Variants in BORCS5 observed in about 807,000 individuals in gnomAD.
The protein encoded by BORCS5 is BLOC-1 related complex subunit 5.
A neutral mutation model predicts 22.1 loss-of-function variants in BORCS5; 17 were observed. The observed-to-expected ratio is 0.77, with a 90% CI of 0.53 to 1.15. The LOEUF is 1.15. Among genes scored for constraint, BORCS5 ranks in the 50% most tolerant of loss-of-function variants. BORCS5 has a pLI of 0.00. For synonymous variants in BORCS5, 117 were observed against 99.8 expected, an observed-to-expected ratio of 1.17 and a Z score of -1.03; for missense variants, 247 against 253.2, an observed-to-expected ratio of 0.98 and a Z score of 0.17.
chr12:12,414,789 C>T (rs1237596684), intron 2 of BORCS5, among the ~76,000 whole-genome samples: 1 of 139,330 alleles, frequency 7.2e-6, no homozygotes, highest in Non-Finnish European at 1.6e-5. Flanking sequence ...CCTCACTTCT[C>T]AGACGGGGCG....
At chr12:12,432,016 C>G (rs192971112) in intron 2 of BORCS5, among the ~76,000 whole-genome samples, 99 of 152,246 alleles carry the variant, frequency 6.5e-4, no homozygotes, top group Middle Eastern at 3.4e-3. Context: ...TCTAGGCACT[C>G]TTTATATATT....
intron 2 of BORCS5, among the ~76,000 whole-genome samples, chr12:12,379,084 ATTTC>A (rs755279841): frequency 2.4e-4 from 35 of 144,044 alleles, no homozygotes; most frequent in Non-Finnish European, 4.9e-4. Flanking sequence ...CAACTTTTCT[ATTTC>A]TTTCTTTCTT....
intron 2 of BORCS5, among the ~76,000 whole-genome samples, chr12:12,389,384 C>T (rs112178806): frequency 0.019 from 2,890 of 150,844 alleles, 125 homozygotes; most frequent in South Asian, 0.034. Context: ...GTGATCCACC[C>T]GCCTTGGCCT....
At chr12:12,369,204 T>C (rs901602549) in intron 2 of BORCS5, among the ~76,000 whole-genome samples, 1 of 152,230 alleles carries the variant, frequency 6.6e-6, no homozygotes, top group Non-Finnish European at 1.5e-5. Context: ...TACCCCTGTC[T>C]TGTAGTCTAA....
chr12:12,400,180 A>C (rs1197439574), intron 2 of BORCS5, among the ~76,000 whole-genome samples: 4 of 152,170 alleles, frequency 2.6e-5, no homozygotes, highest in African/African-American at 7.2e-5. Context: ...CATGTGTACC[A>C]CTGGATTTTT....
chr12:12,400,584 A>T (rs1335125987), intron 2 of BORCS5, among the ~76,000 whole-genome samples: 3 of 110,856 alleles, frequency 2.7e-5, no homozygotes, highest in East Asian at 3.9e-4. Flanking sequence ...GTATGTCAGC[A>T]TACAGAAAAA....
intron 2 of BORCS5, among the ~76,000 whole-genome samples, chr12:12,418,936 T>G (rs533901893): frequency 2.1e-4 from 32 of 152,338 alleles, no homozygotes; most frequent in Admixed American, 1.5e-3. Flanking sequence ...TATAGCTTTT[T>G]TTTGTTTGTC....
chr12:12,385,597 A>C (rs113115954), intron 2 of BORCS5, among the ~76,000 whole-genome samples: 26,268 of 149,982 alleles, frequency 0.18, 6,850 homozygotes, highest in African/African-American at 0.56. Context: ...GCAACCTCCA[A>C]CTCCCAGGTT....
chr12:12,391,772 C>G (rs1015223089), intron 2 of BORCS5, among the ~76,000 whole-genome samples: 2 of 148,298 alleles, frequency 1.3e-5, no homozygotes, highest in Non-Finnish European at 3.0e-5. Context: ...TGGCTCATGC[C>G]TGTAATCTCA....
At chr12:12,420,526 G>A (rs12855046) in intron 2 of BORCS5, among the ~76,000 whole-genome samples, 9,090 of 152,100 alleles carry the variant, frequency 0.06, 384 homozygotes, top group Non-Finnish European at 0.093. Context: ...TTGGCAATGC[G>A]GGCTCTTTTT....
chr12:12,373,466 A>G (rs1322148842), intron 2 of BORCS5, among the ~76,000 whole-genome samples: 1 of 152,214 alleles, frequency 6.6e-6, no homozygotes, highest in African/African-American at 2.4e-5. Flanking sequence ...CCTGTTATAC[A>G]GTATCGGAAA....
intron 2 of BORCS5, among the ~76,000 whole-genome samples, chr12:12,423,116 C>T (rs1220258678): frequency 2.0e-5 from 3 of 151,994 alleles, no homozygotes; most frequent in African/African-American, 4.8e-5. Flanking sequence ...ATTCTCCTGC[C>T]TCAGCCTCCC....
At chr12:12,440,557 T>A in intron 3 of BORCS5, among the ~76,000 whole-genome samples, 1 of 149,736 alleles carries the variant, frequency 6.7e-6, no homozygotes, top group African/African-American at 2.5e-5. Flanking sequence ...TCTGTAAGAG[T>A]TAAAGATTGG....
intron 2 of BORCS5, among the ~76,000 whole-genome samples, chr12:12,422,466 T>G (rs1942157288): frequency 6.6e-6 from 1 of 152,058 alleles, no homozygotes; most frequent in Non-Finnish European, 1.5e-5. Context: ...ATTCAAAAAT[T>G]AGCCAGGCGT....
chr12:12,449,055 A>G (rs568446101), intron 3 of BORCS5, among the ~76,000 whole-genome samples: 14 of 152,336 alleles, frequency 9.2e-5, no homozygotes, highest in Non-Finnish European at 1.5e-4. Context: ...CTTGCAGGTA[A>G]CTTCTTTATA....
At chr12:12,398,249 T>C (rs1941395209) in intron 2 of BORCS5, among the ~76,000 whole-genome samples, 2 of 152,060 alleles carry the variant, frequency 1.3e-5, no homozygotes, top group Non-Finnish European at 2.9e-5. Context: ...TAAGAATGAG[T>C]TGATGTCACA....
chr12:12,442,721 C>A (rs1371736303), intron 3 of BORCS5, among the ~76,000 whole-genome samples: 1 of 152,172 alleles, frequency 6.6e-6, no homozygotes, highest in Non-Finnish European at 1.5e-5. Flanking sequence ...GGTGAGTCAT[C>A]TTTTCCACTG....
intron 2 of BORCS5, among the ~76,000 whole-genome samples, chr12:12,387,166 C>T (rs1005144094): frequency 6.6e-6 from 1 of 151,448 alleles, no homozygotes; most frequent in African/African-American, 2.4e-5. Context: ...TCATGCCTAG[C>T]AAGATTCATT....
At chr12:12,462,465 C>A (rs1442709063) in intron 3 of BORCS5, among the ~76,000 whole-genome samples, 1 of 152,110 alleles carries the variant, frequency 6.6e-6, no homozygotes, top group Non-Finnish European at 1.5e-5. Flanking sequence ...GATACTGGGT[C>A]GAGGGTAGCC....
Sources: gnomAD v4.1 joint callset for allele counts (sites outside exome capture counted in the v4.1 genomes callset) on GRCh38, gnomAD v4.1.1 for gene constraint, MANE v1.5 for transcripts, NCBI Gene and HGNC (gene_info 2026-07-23, HGNC 2026-07-21) for gene names.